PSTPIP1: variants seen among roughly 807,000 people sequenced by gnomAD.
PSTPIP1 encodes the protein proline-serine-threonine phosphatase-interacting protein 1.
In PSTPIP1, 66 loss-of-function variants were observed where a neutral mutation model predicts 69.6. That is an observed-to-expected ratio of 0.95 (90% CI 0.78 to 1.16). The LOEUF is 1.16. Among genes scored for constraint, PSTPIP1 ranks in the 50% most tolerant of loss-of-function variants. The pLI is 0.00. For missense variants in PSTPIP1, 603 were observed against 557.4 expected (o/e 1.08, Z -0.82); for synonymous variants, 266 against 222.7 (o/e 1.19, Z -1.73).
chr15:77,002,843 C>T (rs1052718615), intron 1 of PSTPIP1, among the ~76,000 whole-genome samples: 1 of 147,658 alleles, frequency 6.8e-6, no homozygotes, highest in Non-Finnish European at 1.5e-5. Flanking sequence ...CCTGGCTGCT[C>T]CTGACATCTA....
In PSTPIP1 at chr15:77,025,568, G is replaced by C. The variant is rs1415307232; in HGVS notation, c.318G>C (p.Glu106Asp). The change falls in exon 5 of 15, where the codon GAG becomes GAC. Residue 106 changes from glutamate (E) to aspartate (D), a missense_variant. Coordinates refer to ENST00000558012, the MANE Select transcript of PSTPIP1 (RefSeq NM_003978.5). ...TGCGTGAGGAGCTGCGGAGTCTCGA[G>C]GAGTTTCGTGAGAGGCAGAAGGAGC... ...LTLREELRSL[E>D]EFRERQKEQR... 6.4e-7 allele frequency: 1 copy of C among 1,552,418 alleles called. No individual in the cohort carries two copies. The highest frequency in any genetic ancestry group is 2.4e-5 in the East Asian group (1 of 41,070).
intron 1 of PSTPIP1, among the ~76,000 whole-genome samples, chr15:77,011,011 C>G (rs1204505654): frequency 6.6e-6 from 1 of 152,080 alleles, no homozygotes; most frequent in Non-Finnish European, 1.5e-5. Flanking sequence ...TTGGGCTGGC[C>G]CCATGAGAGT....
rs776576205 is a variant in PSTPIP1 at position 77,030,568 on chromosome 15, G to C, written c.629G>C (p.Arg210Pro). ...KVRAEWEQEH[R>P]TTCEAFQLQE... ...CGGGCTGAGTGGGAGCAGGAGCACC[G>C]GACCACCTGTGAGGTGAGTGGCCCA... The change falls in exon 9 of 15, where the codon CGG becomes CCG. Residue 210 changes from arginine (R) to proline (P), a missense_variant. Arg to Pro is a moderately radical substitution (Grantham distance 103, BLOSUM62 -2). Coordinates refer to ENST00000558012, the MANE Select transcript of PSTPIP1 (RefSeq NM_003978.5). The C allele has an allele frequency of 6.8e-6, 11 of 1,608,106 alleles. No homozygotes were observed. Among genetic ancestry groups the C allele is most frequent in the East Asian group, 6.7e-5 (3 of 44,682 alleles).
chr15:77,011,582 T>C (rs890485893), intron 1 of PSTPIP1, among the ~76,000 whole-genome samples: 24 of 152,234 alleles, frequency 1.6e-4, no homozygotes, highest in African/African-American at 4.6e-4. Context: ...CTCTAAAAAC[T>C]AAAAGTCTGT....
At chr15:77,015,370 T>A (rs913063423) in intron 1 of PSTPIP1, among the ~76,000 whole-genome samples, 7 of 152,106 alleles carry the variant, frequency 4.6e-5, no homozygotes, top group African/African-American at 1.7e-4. Context: ...GGGCCTCCTG[T>A]CCCCATCTTC....
At chr15:77,009,400 A>G (rs1377383554) in intron 1 of PSTPIP1, among the ~76,000 whole-genome samples, 1 of 152,202 alleles carries the variant, frequency 6.6e-6, no homozygotes, top group East Asian at 1.9e-4. Context: ...TCACACCTAC[A>G]GCAAATCACA....
intron 1 of PSTPIP1, among the ~76,000 whole-genome samples, chr15:77,003,240 A>G (rs1342272413): frequency 6.6e-6 from 1 of 152,220 alleles, no homozygotes; most frequent in East Asian, 1.9e-4. Context: ...CACATGATGG[A>G]GGGAACTTTG....
intron 1 of PSTPIP1, among the ~76,000 whole-genome samples, chr15:77,004,409 C>T (rs2075773801): frequency 2.6e-5 from 4 of 152,140 alleles, no homozygotes; most frequent in Admixed American, 2.6e-4. Flanking sequence ...ATGTGGTGGC[C>T]AGATGGAACT....
rs556287550 is a variant in PSTPIP1 at position 77,018,006 on chromosome 15, G to T, written c.37-142G>T. ...TGTGTGCCTGTGTAAAGCCAGGTCT[G>T]GAGTCCCAAGAGCTTGCCCTGAGCA... is the stretch of plus-strand genomic sequence containing the variant. On this transcript the variant is annotated intron_variant, in intron 1 of 14. Transcript: ENST00000558012. 5.3e-6 allele frequency: 4 copies of T among 753,006 alleles called. No homozygotes were observed. In the African/African-American group the frequency reaches 7.0e-5, roughly 13 times the overall value. The allele number at this position is 753,006 out of a possible 1,614,324, so 46.6% of individuals were successfully genotyped here. A position where few individuals can be genotyped will look rare whatever the true frequency, so the allele number is the denominator to read the frequency against.
intron 3 of PSTPIP1, among the ~76,000 whole-genome samples, chr15:77,022,840 A>G (rs1341619227): frequency 6.6e-6 from 1 of 152,252 alleles, no homozygotes; most frequent in African/African-American, 2.4e-5. Context: ...GGGGACAGGA[A>G]GAGGGGCCTG....
chr15:77,010,771 C>T (rs1034092153), intron 1 of PSTPIP1, among the ~76,000 whole-genome samples: 16 of 152,138 alleles, frequency 1.1e-4, no homozygotes, highest in East Asian at 3.9e-4. Context: ...CCTCACCCTC[C>T]GAGTAGCGGG....
chr15:77,028,243 T>C (rs1396749658), intron 6 of PSTPIP1: 3 of 497,790 alleles, frequency 6.0e-6, no homozygotes, highest in African/African-American at 4.1e-5. Flanking sequence ...GAGGGGCTCC[T>C]AAGAGGGCGC....
chr15:77,035,457 G>A, intron 12 of PSTPIP1, 51 bp from the exon 13 acceptor site: 3 of 1,532,864 alleles, frequency 2.0e-6, no homozygotes, highest in Non-Finnish European at 2.7e-6. Context: ...CTCCTGGTGG[G>A]TCCCTGAGTG....
At chr15:77,018,341 C>T in intron 2 of PSTPIP1, 93 bp downstream of exon 2, 3 of 1,534,050 alleles carry the variant, frequency 2.0e-6, no homozygotes, top group Non-Finnish European at 2.6e-6. Flanking sequence ...CCATCCCAGC[C>T]AAACTCTGTC....
In PSTPIP1 at chr15:77,027,560, C is replaced by T. The variant is rs890138218; in HGVS notation, c.355-292C>T. ...CAGAGGCTCAGGGATGCAGGATGAA[C>T]GACTGTGTGCGCACGTGTGTTGGGG... On this transcript the variant is annotated intron_variant, in intron 5 of 14. Coordinates refer to ENST00000558012, the MANE Select transcript of PSTPIP1 (RefSeq NM_003978.5). This position sits in a 1 kb window ranked among gnomAD's most constrained non-coding sequence, Gnocchi z 4.3. 6.6e-6 allele frequency among the ~76,000 whole-genome samples: 1 copy of T among 152,166 alleles called. No individual in the cohort carries two copies. Among genetic ancestry groups the T allele is most frequent in the Non-Finnish European group, 1.5e-5 (1 of 68,032 alleles).
upstream of PSTPIP1, chr15:76,995,103 G>A: frequency 8.5e-7 from 1 of 1,177,588 alleles, no homozygotes; most frequent in African/African-American, 1.6e-5. Flanking sequence ...AGGGCCCTGT[G>A]CCTGCCCCGG....
chr15:77,007,321 C>G (rs1313761267), intron 1 of PSTPIP1, among the ~76,000 whole-genome samples: 3 of 152,190 alleles, frequency 2.0e-5, no homozygotes, highest in Non-Finnish European at 4.4e-5. Flanking sequence ...AAAAATCAGA[C>G]TTCTGGCCCT....
In PSTPIP1 at chr15:77,035,893, A is replaced by G. The variant is rs1274766176; in HGVS notation, c.1077A>G (p.Ser359=). ...AGGAGATACAGGGAAACCCGGCCTC[A>G]CCAGCCCAGGAGTACCGGGCGCTCT... ...AVQEIQGNPA[S]PAQEYRALYD... The change falls in exon 14 of 15, where the codon TCA becomes TCG. Residue 359 remains serine, a synonymous_variant. Coordinates refer to ENST00000558012, the MANE Select transcript of PSTPIP1 (RefSeq NM_003978.5). 5 of 1,609,852 alleles carry G rather than the reference A, an allele frequency of 3.1e-6. No individual in the cohort carries two copies. The African/African-American group carries it at 5.3e-5, about 17-fold the overall frequency.
chr15:77,028,237 G>T, intron 6 of PSTPIP1: 1 of 507,076 alleles, frequency 2.0e-6, no homozygotes, highest in Non-Finnish European at 3.5e-6. Flanking sequence ...AAGGGAGAGG[G>T]GCTCCTAAGA....
Sources: allele counts gnomAD v4.1 joint callset (sites outside exome capture counted in the v4.1 genomes callset), GRCh38; gene constraint gnomAD v4.1.1; non-coding constraint Gnocchi (gnomAD v3.1); transcripts MANE v1.5; gene names NCBI Gene and HGNC (gene_info 2026-07-23, HGNC 2026-07-21).